Variants in AGBL4 observed in about 807,000 individuals in gnomAD.
AGBL4 encodes the protein AGBL carboxypeptidase 4.
Under a neutral mutation model 66.4 loss-of-function variants are expected in AGBL4, and 58 were observed. The ratio of observed to expected loss-of-function variants is 0.87; its 90% CI spans 0.71 to 1.09. The LOEUF (loss-of-function observed/expected upper bound fraction) is 1.09, where lower values mean the gene tolerates loss of function less well. Among genes scored for constraint, AGBL4 ranks in the 50% least tolerant of loss-of-function variants. The pLI, the probability that AGBL4 is intolerant of heterozygous loss-of-function variation, is 0.00. For missense variants in AGBL4, 579 were observed against 631.0 expected (o/e 0.92, Z 0.88); for synonymous variants, 234 against 222.9 (o/e 1.05, Z -0.44).
At chr1:49,687,536 C>A (rs1444939816) in intron 3 of AGBL4, among the ~76,000 whole-genome samples, 3 of 152,008 alleles carry the variant, frequency 2.0e-5, no homozygotes, top group African/African-American at 7.2e-5. Flanking sequence ...CTTTAGGAGG[C>A]CGAGGGGGAC....
At chr1:49,873,426 G>A (rs1408786755) in intron 1 of AGBL4, among the ~76,000 whole-genome samples, 1 of 151,926 alleles carries the variant, frequency 6.6e-6, no homozygotes, top group African/African-American at 2.4e-5. Flanking sequence ...ACAAAAACTT[G>A]GGACCTCAAT....
At chr1:48,674,982 G>T (rs974954496) in intron 6 of AGBL4, among the ~76,000 whole-genome samples, 4 of 152,110 alleles carry the variant, frequency 2.6e-5, no homozygotes, top group Non-Finnish European at 4.4e-5. Context: ...TGAGCTTTTT[G>T]GGGGCAGAAG....
intron 5 of AGBL4, among the ~76,000 whole-genome samples, chr1:48,953,247 G>GA (rs1657150492): frequency 6.6e-6 from 1 of 152,172 alleles, no homozygotes; most frequent in Admixed American, 6.5e-5. Context: ...AGTCTGATGA[G>GA]AAAACCATAG....
chr1:49,680,049 C>CTTTTTTT (rs61150148), intron 3 of AGBL4, among the ~76,000 whole-genome samples: 2 of 118,096 alleles, frequency 1.7e-5, no homozygotes, highest in African/African-American at 3.2e-5. Flanking sequence ...TTCTTCTTCC[C>CTTTTTTT]TTTTTTTTTT....
chr1:49,476,329 T>C (rs992814662), intron 3 of AGBL4, among the ~76,000 whole-genome samples: 7 of 152,104 alleles, frequency 4.6e-5, no homozygotes, highest in African/African-American at 7.2e-5. Flanking sequence ...TGACAGAGAA[T>C]GTGGTCAATC....
intron 1 of AGBL4, among the ~76,000 whole-genome samples, chr1:49,873,119 C>T (rs543841920): frequency 6.6e-6 from 1 of 151,882 alleles, no homozygotes; most frequent in Admixed American, 6.6e-5. Flanking sequence ...GACTTTCATA[C>T]CTGCCTACTG....
At chr1:49,840,286 T>A (rs1274127234) in intron 2 of AGBL4, among the ~76,000 whole-genome samples, 1 of 152,184 alleles carries the variant, frequency 6.6e-6, no homozygotes, top group Admixed American at 6.5e-5. Context: ...CTCTGGGGAT[T>A]TTTGTATTTC....
intron 4 of AGBL4, among the ~76,000 whole-genome samples, chr1:49,218,813 T>C (rs530035427): frequency 2.6e-5 from 4 of 152,154 alleles, no homozygotes; most frequent in Middle Eastern, 3.4e-3. Context: ...AACTGAATCA[T>C]TGGGGCAGGT....
intron 4 of AGBL4, among the ~76,000 whole-genome samples, chr1:49,121,645 G>A (rs892760971): frequency 1.3e-5 from 2 of 152,190 alleles, no homozygotes; most frequent in African/African-American, 4.8e-5. Flanking sequence ...GCGTCTCCCA[G>A]TTAGGCTACA....
chr1:48,801,473 A>G (rs1315081392), intron 6 of AGBL4, among the ~76,000 whole-genome samples: 1 of 152,192 alleles, frequency 6.6e-6, no homozygotes. Flanking sequence ...GACCCCTGTG[A>G]GATAAAGTCA....
chr1:48,981,330 T>A (rs1039080930), intron 5 of AGBL4, among the ~76,000 whole-genome samples: 28 of 152,206 alleles, frequency 1.8e-4, no homozygotes, highest in Middle Eastern at 3.2e-3. Flanking sequence ...ATACTTTATA[T>A]ATGTTCTAAG....
intron 3 of AGBL4, among the ~76,000 whole-genome samples, chr1:49,561,075 T>C (rs1644027101): frequency 6.6e-6 from 1 of 151,998 alleles, no homozygotes; most frequent in South Asian, 2.1e-4. Context: ...ACAACATAAC[T>C]ATGGTGTGTA....
chr1:49,840,000 T>C (rs1218302097), intron 2 of AGBL4, among the ~76,000 whole-genome samples: 2 of 152,076 alleles, frequency 1.3e-5, no homozygotes, highest in African/African-American at 4.8e-5. Flanking sequence ...GGTGAGATTA[T>C]AGAGAGGAAC....
chr1:48,926,446 AT>A (rs562349327), intron 5 of AGBL4, among the ~76,000 whole-genome samples: 217 of 142,548 alleles, frequency 1.5e-3, no homozygotes, highest in Middle Eastern at 3.5e-3. Flanking sequence ...GGCCTAGCTA[AT>A]TTTTTTTTTT....
At chr1:48,798,758 G>T (rs558195672) in intron 6 of AGBL4, among the ~76,000 whole-genome samples, 127 of 152,242 alleles carry the variant, frequency 8.3e-4, no homozygotes, top group Non-Finnish European at 1.3e-3. Context: ...AGCACCATTT[G>T]TTGGATAGGG....
At chr1:49,121,148 G>A (rs1191964743) in intron 4 of AGBL4, among the ~76,000 whole-genome samples, 2 of 152,064 alleles carry the variant, frequency 1.3e-5, no homozygotes, top group African/African-American at 4.8e-5. Flanking sequence ...TGATGGGTTC[G>A]AACATGCTCC....
chr1:49,194,620 T>A (rs777909334), intron 4 of AGBL4, among the ~76,000 whole-genome samples: 1 of 152,138 alleles, frequency 6.6e-6, no homozygotes, highest in Non-Finnish European at 1.5e-5. Context: ...AGACACAGAG[T>A]CTTGCTCTGT....
At chr1:49,395,682 T>C (rs1470153980) in intron 3 of AGBL4, among the ~76,000 whole-genome samples, 1 of 148,058 alleles carries the variant, frequency 6.8e-6, no homozygotes, top group African/African-American at 2.5e-5. Flanking sequence ...ACTCCCACTG[T>C]CTGTGGAAAA....
intron 3 of AGBL4, among the ~76,000 whole-genome samples, chr1:49,629,171 T>C (rs1398021084): frequency 6.6e-6 from 1 of 152,204 alleles, no homozygotes; most frequent in East Asian, 1.9e-4. Flanking sequence ...ATTTACATAT[T>C]GTCTATAGGA....
Sources: gnomAD v4.1 joint callset for allele counts (sites outside exome capture counted in the v4.1 genomes callset) on GRCh38, gnomAD v4.1.1 for gene constraint, MANE v1.5 for transcripts, NCBI Gene and HGNC (gene_info 2026-07-23, HGNC 2026-07-21) for gene names.